The following PRKAG3 variants were observed in gnomAD, a reference collection of about 807,000 sequenced individuals.
The protein encoded by PRKAG3 is protein kinase AMP-activated non-catalytic subunit gamma 3.
In PRKAG3, 39 loss-of-function variants were observed where a neutral mutation model predicts 56.5. That is an observed-to-expected ratio of 0.69 (90% CI 0.53 to 0.90). The LOEUF (loss-of-function observed/expected upper bound fraction) is 0.90, where lower values mean the gene tolerates loss of function less well. PRKAG3 is among the 40% of genes least tolerant of loss of function. PRKAG3 has a pLI of 0.00. For missense variants in PRKAG3, 628 were observed against 627.5 expected (o/e 1.00, Z -0.01); for synonymous variants, 243 against 250.1 (o/e 0.97, Z 0.27).
At chr2:218,831,218 G>A (rs1176236996) in intron 2 of PRKAG3, 118 bp downstream of exon 2, 30 of 830,124 alleles carry the variant, frequency 3.6e-5, no homozygotes, top group South Asian at 2.4e-4. Flanking sequence ...CAATGAGGAA[G>A]AAAGACCAAA....
intron 5 of PRKAG3, 139 bp from the exon 6 acceptor site, chr2:218,828,201 C>T (rs968085037): frequency 6.9e-6 from 6 of 868,446 alleles, no homozygotes; most frequent in Non-Finnish European, 5.3e-6. Flanking sequence ...AGTGGGGCAG[C>T]CCCCCAGGCC....
exon 4 of PRKAG3, chr2:218,830,183 T>C (rs1943998358): frequency 1.2e-6 from 2 of 1,614,176 alleles, no homozygotes; most frequent in Non-Finnish European, 1.7e-6. Flanking sequence ...CTCCCAGGCC[T>C]CTGTGGCTGG....
chr2:218,823,769 C>G, exon 13 of PRKAG3: 1 of 1,614,026 alleles, frequency 6.2e-7, no homozygotes, highest in Non-Finnish European at 8.5e-7. Context: ...TTCTCAGGCC[C>G]CGAGGGCATC....
rs377124178 is a variant in PRKAG3 at position 218,830,214 on chromosome 2, C to T, written c.397G>A (p.Val133Met). 25 of 1,613,970 alleles carry T rather than the reference C, an allele frequency of 1.5e-5. No individual in the cohort carries two copies. The African/African-American group carries it at 3.2e-4, about 21-fold the overall frequency. ...GCTGGGAACTCCGTGGCCAGCTCCA[C>T]ATCATCTGTGCTGGAGCCTGCAGCT... Residue 133 changes from valine to methionine, a missense_variant, in exon 4 of 13, where the codon GTG becomes ATG. Coordinates refer to ENST00000529249, the Ensembl canonical transcript of PRKAG3.
downstream of PRKAG3, chr2:218,822,308 T>G (rs1001083764): frequency 1.6e-4 from 25 of 152,198 alleles, 1 homozygote; most frequent in Admixed American, 5.2e-4. Flanking sequence ...ACTATATAAG[T>G]AATGAATTAA....
rs1943885264 is a variant in PRKAG3, at chr2:218,823,627, G to T, written c.*135C>A. On this transcript the variant is annotated 3_prime_UTR_variant, in exon 13 of 13. Coordinates refer to ENST00000529249, the Ensembl canonical transcript of PRKAG3. ...AGGAAGACTAAGAGGCTGGTGTCATGGCCCAGGGCAGAGCCTACCTGAATC... is the reference window on the plus strand; with the variant it reads ...AGGAAGACTAAGAGGCTGGTGTCATTGCCCAGGGCAGAGCCTACCTGAATC... 1 of 1,568,906 alleles carries T rather than the reference G, an allele frequency of 6.4e-7. No individual in the cohort carries two copies. Among genetic ancestry groups the T allele is most frequent in the East Asian group, 2.3e-5 (1 of 44,034 alleles).
At position 218,831,709 on chromosome 2, in the gene PRKAG3, C is replaced by T. The variant is rs376498010; in HGVS notation, c.33+29G>A. On this transcript the variant is annotated intron_variant, in intron 1 of 12. Transcript: ENST00000529249. ...CTCAATCTTCTGGCCTCAGCTGCCC[C>T]GGCTCCGGCTCCCCTGGGACCCCCA... 431 of 1,605,358 alleles carry T rather than the reference C, an allele frequency of 2.7e-4. 1 individual carries two copies. Among genetic ancestry groups the T allele is most frequent in the Middle Eastern group, 1.2e-3 (7 of 6,070 alleles).
At chr2:218,829,368 T>C (rs945383814) in intron 4 of PRKAG3, among the ~76,000 whole-genome samples, 2 of 152,020 alleles carry the variant, frequency 1.3e-5, no homozygotes, top group African/African-American at 2.4e-5. Context: ...TCTCCCGGGC[T>C]GGAGTGCAGT....
At chr2:218,823,975 C>T in intron 12 of PRKAG3, 97 bp from the exon 13 acceptor site, 3 of 1,324,826 alleles carry the variant, frequency 2.3e-6, no homozygotes, top group Non-Finnish European at 2.2e-6. Context: ...CCCAACATGA[C>T]TGAGGGAGAG....
At chr2:218,830,368 C>G (rs1441591662) in exon 4 of PRKAG3, 2 of 1,607,734 alleles carry the variant, frequency 1.2e-6, no homozygotes, top group Non-Finnish European at 1.7e-6. Context: ...CAGCAGCTGG[C>G]CTGGACCGGG....
Position 218,830,745 on chromosome 2 carries a change from C to T in PRKAG3, c.229+1G>A, listed in dbSNP as rs375261754. On this transcript the variant is annotated splice_donor_variant, in intron 3 of 12. Transcript: ENST00000529249. LOFTEE classifies it high-confidence loss of function. Reference sequence around the variant, plus strand: ...CTCCCCAGAACTGGCCTTGGCCTCACCTTCCCCCTGACCTGGTGGCTCCCC... The same window carrying T: ...CTCCCCAGAACTGGCCTTGGCCTCATCTTCCCCCTGACCTGGTGGCTCCCC... 5 of 1,612,196 alleles carry T rather than the reference C, an allele frequency of 3.1e-6. No individual in the cohort carries two copies. The African/African-American group carries it at 6.7e-5, about 21-fold the overall frequency.
At position 218,831,320 on chromosome 2, in the gene PRKAG3, G is replaced by A; in HGVS notation, c.73+16C>T. 1 of 1,579,004 alleles carries A rather than the reference G, an allele frequency of 6.3e-7. No individual in the cohort carries two copies. Among genetic ancestry groups the A allele is most frequent in the Non-Finnish European group, 8.6e-7 (1 of 1,159,946 alleles). On this transcript the variant is annotated intron_variant, in intron 2 of 12. Coordinates refer to ENST00000529249, the Ensembl canonical transcript of PRKAG3. Reference sequence around the variant, plus strand: ...GGGGAAGAGGTTAGGCCCCAGGGAGGGGGCATTCTCCCTACCTTGATGCTC... The same window carrying A: ...GGGGAAGAGGTTAGGCCCCAGGGAGAGGGCATTCTCCCTACCTTGATGCTC...
chr2:218,827,004 C>T lies in PRKAG3; in HGVS notation c.1092G>A (p.Glu364=). 6.2e-7 allele frequency: 1 copy of T among 1,614,102 alleles called. No homozygotes were observed. Among genetic ancestry groups the T allele is most frequent in the Non-Finnish European group, 8.5e-7 (1 of 1,179,988 alleles). Residue 364 remains glutamate (E), a synonymous_variant, in exon 10 of 13, where the codon GAG becomes GAA. Transcript: ENST00000529249. The surrounding 1 kb of genome is among the most constrained non-coding windows in gnomAD (Gnocchi z 5.3). ...CCAGTGCAGTCAGGATGGGTGCTGT[C>T]TCCAGCACCACAGCCAAGTCTCGGA...
At chr2:218,828,524 A>G (rs772274969) in exon 5 of PRKAG3, 3 of 1,612,920 alleles carry the variant, frequency 1.9e-6, no homozygotes, top group Admixed American at 1.7e-5. Context: ...CTCACCCACA[A>G]AGCTCTGCTT....
downstream of PRKAG3, chr2:218,822,965 A>C: frequency 1.0e-6 from 1 of 985,696 alleles, no homozygotes. Context: ...GGGACCTCCA[A>C]GCTTGACTCA....
rs748055391 is a variant in PRKAG3 at position 218,827,286 on chromosome 2, G to T, written c.963C>A (p.Ile321=). ...ACTTGAGCAGGCGTTTGTGTGTGAG[G>T]ATGTGGAGTACGTTGCCTGACACCG... The change falls in exon 9 of 13, where the codon ATC becomes ATA. Residue 321 remains isoleucine (I), a synonymous_variant. Transcript: ENST00000529249. This position sits in a 1 kb window ranked among gnomAD's most constrained non-coding sequence, Gnocchi z 5.3. 1.9e-6 allele frequency: 3 copies of T among 1,614,100 alleles called. No homozygotes were observed. The South Asian group carries it at 3.3e-5, about 18-fold the overall frequency.
downstream of PRKAG3, chr2:218,822,710 A>T (rs1419153056): frequency 4.8e-6 from 1 of 208,634 alleles, no homozygotes; most frequent in African/African-American, 2.4e-5. Context: ...TGGCCCCTGA[A>T]ATGCAGCATT....
At position 218,827,995 on chromosome 2, in the gene PRKAG3, A is replaced by G; in HGVS notation, c.774+9T>C. ...TGGGTGCCCATAAGATTCCCAGCCC[A>G]CTCCTCACCAGGGGGGACCTGTAGT... On this transcript the variant is annotated intron_variant, in intron 6 of 12. Coordinates refer to ENST00000529249, the Ensembl canonical transcript of PRKAG3. This position sits in a 1 kb window ranked among gnomAD's most constrained non-coding sequence, Gnocchi z 5.3. 1.3e-6 allele frequency: 2 copies of G among 1,576,668 alleles called. No individual in the cohort carries two copies. Among genetic ancestry groups the G allele is most frequent in the South Asian group, 1.2e-5 (1 of 86,664 alleles).
intron 10 of PRKAG3, among the ~76,000 whole-genome samples, 157 bp from the exon 11 acceptor site, chr2:218,824,733 A>T (rs1425843797): frequency 6.6e-6 from 1 of 152,170 alleles, no homozygotes; most frequent in Non-Finnish European, 1.5e-5. Flanking sequence ...AGACAGCCTG[A>T]CATTGAGCAT....
Sources: gnomAD v4.1 joint callset for allele counts (sites outside exome capture counted in the v4.1 genomes callset) on GRCh38, gnomAD v4.1.1 for gene constraint, Gnocchi (gnomAD v3.1) non-coding constraint, MANE v1.5 for transcripts, NCBI Gene and HGNC (gene_info 2026-07-23, HGNC 2026-07-21) for gene names.